TDRD12: variants seen among roughly 807,000 people sequenced by gnomAD.
The protein encoded by TDRD12 is putative ATP-dependent RNA helicase TDRD12.
A neutral mutation model predicts 133.5 loss-of-function variants in TDRD12; 158 were observed. The ratio of observed to expected loss-of-function variants is 1.18; its 90% CI spans 1.04 to 1.35. The LOEUF (loss-of-function observed/expected upper bound fraction) is 1.35. Among genes scored for constraint, TDRD12 ranks in the 40% most tolerant of loss-of-function variants. The probability of loss-of-function intolerance (pLI) is 0.00; values close to 1 mark genes in which losing one functional copy is unlikely to be tolerated. For missense variants in TDRD12, 1,443 were observed against 1,321.3 expected (o/e 1.09, Z -1.43); for synonymous variants, 460 against 477.9 (o/e 0.96, Z 0.49).
intron 8 of TDRD12, among the ~76,000 whole-genome samples, chr19:32,765,802 A>G (rs867026712): frequency 6.6e-6 from 1 of 152,082 alleles, no homozygotes; most frequent in Middle Eastern, 3.4e-3. Context: ...TGACAAGTTA[A>G]TGGGTGCAGC....
chr19:32,792,755 GA>G (rs1447854356), intron 13 of TDRD12, among the ~76,000 whole-genome samples: 1 of 152,212 alleles, frequency 6.6e-6, no homozygotes, highest in Non-Finnish European at 1.5e-5. Flanking sequence ...GCTGAAGAAA[GA>G]GATTCTGAAG....
At chr19:32,763,747 G>A (rs773175594) in intron 8 of TDRD12, among the ~76,000 whole-genome samples, 1 of 152,180 alleles carries the variant, frequency 6.6e-6, no homozygotes, top group Non-Finnish European at 1.5e-5. Flanking sequence ...GGAGGTGTCC[G>A]TGCCGACCCT....
rs1253826595 is a variant in TDRD12 at position 32,801,210 on chromosome 19, A to G, written c.2079+438A>G. Among the ~76,000 whole-genome samples the G allele has an allele frequency of 2.0e-5, 3 of 152,080 alleles. No homozygotes were observed. The South Asian group carries it at 6.2e-4, about 32-fold the overall frequency. ...GTGAAACCCTGTCTCTACGAAAAAAAAAAAAAAGAAGAAGAAAAAGAAGAT... is the reference window on the plus strand; with the variant it reads ...GTGAAACCCTGTCTCTACGAAAAAAGAAAAAAAGAAGAAGAAAAAGAAGAT... On this transcript the variant is annotated intron_variant, in intron 18 of 27. Coordinates refer to ENST00000444215, the Ensembl canonical transcript of TDRD12.
At chr19:32,824,750 C>A (rs1170714072), downstream of TDRD12, among the ~76,000 whole-genome samples, 2 of 152,030 alleles carry the variant, frequency 1.3e-5, no homozygotes, top group African/African-American at 4.8e-5. Context: ...CCCCCCGCCG[C>A]CCTTTCTTCC....
At chr19:32,753,941 G>A (rs1440197851) in intron 6 of TDRD12, among the ~76,000 whole-genome samples, 1 of 152,104 alleles carries the variant, frequency 6.6e-6, no homozygotes, top group African/African-American at 2.4e-5. Context: ...CCACACTCCT[G>A]TGAAAACAAA....
intron 3 of TDRD12, among the ~76,000 whole-genome samples, chr19:32,741,418 C>T (rs942109759): frequency 2.6e-5 from 4 of 152,174 alleles, no homozygotes; most frequent in Non-Finnish European, 4.4e-5. Flanking sequence ...TCATGGCATA[C>T]GTGTTTATCA....
At chr19:32,750,677 C>T (rs1385346898) in intron 6 of TDRD12, among the ~76,000 whole-genome samples, 1 of 152,172 alleles carries the variant, frequency 6.6e-6, no homozygotes, top group African/African-American at 2.4e-5. Context: ...TCCCACTGCG[C>T]CTGTTTGTCA....
intron 23 of TDRD12, 34 bp from the exon 24 acceptor site, chr19:32,811,174 ATC>A: frequency 6.9e-7 from 1 of 1,456,112 alleles, no homozygotes; most frequent in South Asian, 1.2e-5. Flanking sequence ...CCTTTCTGGA[ATC>A]TCTGCGTTGA....
downstream of TDRD12, among the ~76,000 whole-genome samples, chr19:32,823,014 G>A (rs138927123): frequency 2.0e-3 from 305 of 152,338 alleles, 1 homozygote; most frequent in African/African-American, 6.9e-3. Flanking sequence ...AGTGCTGGGA[G>A]CTCCAGCTTT....
intron 2 of TDRD12, among the ~76,000 whole-genome samples, chr19:32,733,801 T>C (rs1375008558): frequency 6.6e-6 from 1 of 152,176 alleles, no homozygotes; most frequent in Non-Finnish European, 1.5e-5. Flanking sequence ...TCTTCTGTTA[T>C]AGAACTTTCC....
intron 3 of TDRD12, among the ~76,000 whole-genome samples, chr19:32,742,318 A>T (rs572659174): frequency 6.6e-6 from 1 of 152,010 alleles, no homozygotes. Context: ...CACCACGCCC[A>T]CCTAATTTTT....
intron 14 of TDRD12, among the ~76,000 whole-genome samples, chr19:32,797,171 G>A (rs1342886652): frequency 2.5e-5 from 3 of 121,538 alleles, no homozygotes; most frequent in African/African-American, 7.6e-5. Flanking sequence ...AGTAGAGATG[G>A]GGTTTCACCA....
chr19:32,819,963 G>A (rs1967320977), intron 27 of TDRD12, among the ~76,000 whole-genome samples: 2 of 152,102 alleles, frequency 1.3e-5, no homozygotes, highest in East Asian at 1.9e-4. Flanking sequence ...GAAAGTCTAC[G>A]CCTAGGGCTC....
chr19:32,723,040 G>A (rs1234937925), intron 1 of TDRD12, among the ~76,000 whole-genome samples: 1 of 151,950 alleles, frequency 6.6e-6, no homozygotes, highest in South Asian at 2.1e-4. Context: ...TATATGATCC[G>A]AGTTAATTTT....
intron 13 of TDRD12, among the ~76,000 whole-genome samples, chr19:32,791,717 G>C (rs6510293): frequency 0.5 from 76,101 of 151,648 alleles, 19,208 homozygotes; most frequent in East Asian, 0.59. Context: ...CAGCAAGGTT[G>C]GAGGCTCTTT....
chr19:32,729,241 G>A (rs567943419), intron 1 of TDRD12, among the ~76,000 whole-genome samples: 1 of 130,320 alleles, frequency 7.7e-6, no homozygotes, highest in Admixed American at 8.7e-5. Context: ...TTTGTGAGAT[G>A]GAGTCTTGCT....
intron 8 of TDRD12, among the ~76,000 whole-genome samples, chr19:32,760,025 C>T (rs1970107712): frequency 6.6e-6 from 1 of 152,150 alleles, no homozygotes; most frequent in African/African-American, 2.4e-5. Flanking sequence ...GAAGGTAGCA[C>T]CTGTTGTTGA....
intron 22 of TDRD12, among the ~76,000 whole-genome samples, chr19:32,808,623 G>C (rs1966896491): frequency 6.6e-6 from 1 of 152,182 alleles, no homozygotes; most frequent in South Asian, 2.1e-4. Flanking sequence ...TTCAAGTCAG[G>C]TCAAAGTCAC....
chr19:32,739,048 AAGG>A, intron 3 of TDRD12, 56 bp downstream of exon 3: 1 of 1,541,292 alleles, frequency 6.5e-7, no homozygotes, highest in Non-Finnish European at 8.8e-7. Flanking sequence ...GTCAGTTTCA[AAGG>A]AGAACGTCCA....
Sources: gnomAD v4.1 joint callset for allele counts (sites outside exome capture counted in the v4.1 genomes callset) on GRCh38, gnomAD v4.1.1 for gene constraint, MANE v1.5 for transcripts, NCBI Gene and HGNC (gene_info 2026-07-23, HGNC 2026-07-21) for gene names.